The following DNTTIP2 variants were observed in gnomAD, a reference collection of about 807,000 sequenced individuals.
DNTTIP2 encodes the protein deoxynucleotidyltransferase terminal-interacting protein 2.
Under a neutral mutation model 62.4 loss-of-function variants are expected in DNTTIP2, and 47 were observed. The ratio of observed to expected loss-of-function variants is 0.75; its 90% CI spans 0.60 to 0.96. The LOEUF is 0.96. Ranked by LOEUF, DNTTIP2 falls within the 40% of genes least tolerant of loss-of-function variation. DNTTIP2 has a pLI of 0.00. For missense variants in DNTTIP2, 870 were observed against 849.1 expected, an observed-to-expected ratio of 1.02 and a Z score of -0.31; for synonymous variants, 322 against 300.9, an observed-to-expected ratio of 1.07 and a Z score of -0.73.
chr1:93,869,183 T>C lies in DNTTIP2; in HGVS notation c.*668A>G, dbSNP rs1242276765. On this transcript the variant is annotated 3_prime_UTR_variant, in exon 7 of 7. Transcript: ENST00000436063. The stretch of plus-strand genomic sequence containing the variant: ...ACCACTGGAGAAGAGGTAAGCTGGG[T>C]TAACTTCGAAGAAACCCTGGCCAAC... 1.4e-5 allele frequency: 2 copies of C among 139,740 alleles called. No individual in the cohort carries two copies. Among genetic ancestry groups the C allele is most frequent in the Non-Finnish European group, 3.1e-5 (2 of 65,374 alleles). 8.7% of individuals were successfully genotyped at this position (139,740 alleles called of 1,614,324 possible). A position where few individuals can be genotyped will look rare whatever the true frequency, so the allele number is the denominator to read the frequency against.
rs1655753096 is a variant in DNTTIP2 at position 93,867,607 on chromosome 1, G to C, written c.*2244C>G. ...AAAAAAAAAAAAAAAGTTCCAGTAG[G>C]TGAACTGAGTTTAGTGACACAGGCC... On this transcript the variant is annotated 3_prime_UTR_variant, in exon 7 of 7. Coordinates refer to ENST00000436063, the MANE Select transcript of DNTTIP2 (RefSeq NM_014597.5). The C allele has an allele frequency of 6.6e-6, 1 of 151,720 alleles. No individual in the cohort carries two copies. Among genetic ancestry groups the C allele is most frequent in the African/African-American group, 2.4e-5 (1 of 41,268 alleles). The allele number at this position is 151,720 out of a possible 1,614,324, so 9.4% of individuals were successfully genotyped here. A position where few individuals can be genotyped will look rare whatever the true frequency, so the allele number is the denominator to read the frequency against.
rs143693936 is a variant in DNTTIP2, at chr1:93,876,498, T to C, written c.1437A>G (p.Thr479=). The change falls in exon 2 of 7, where the codon ACA becomes ACG. Residue 479 remains threonine, a synonymous_variant. Transcript: ENST00000436063. ...SGQRESLSGD[T]GSLSCDNALF... ...ATGCATTGTCACATGACAGACTTCC[T>C]GTGTCTCCACTTAATGACTCCCTTT... 8 of 1,614,014 alleles carry C rather than the reference T, an allele frequency of 5.0e-6. No individual in the cohort carries two copies. In the East Asian group the frequency reaches 1.8e-4, roughly 36 times the overall value.
At position 93,879,150 on chromosome 1, in the gene DNTTIP2, T is replaced by C; in HGVS notation, c.-2A>G. On this transcript the variant is annotated 5_prime_UTR_variant, in exon 1 of 7. Transcript: ENST00000436063. ...CCGTGCAGATCTGGTAACCACCATC[T>C]TTCCGGCTCCCTCGCGACCACCACG... The C allele has an allele frequency of 6.2e-6, 10 of 1,612,692 alleles. No individual in the cohort carries two copies. Among genetic ancestry groups the C allele is most frequent in the Non-Finnish European group, 8.5e-6 (10 of 1,179,594 alleles).
At chr1:93,871,857 C>T (rs545957042) in intron 5 of DNTTIP2, among the ~76,000 whole-genome samples, 1 of 152,252 alleles carries the variant, frequency 6.6e-6, no homozygotes, top group Non-Finnish European at 1.5e-5. Context: ...ACCTGGAAAC[C>T]ATTTGTAACA....
Position 93,877,753 on chromosome 1 carries a change from G to T in DNTTIP2, c.182C>A (p.Thr61Asn). 6.2e-7 allele frequency: 1 copy of T among 1,613,436 alleles called. No individual in the cohort carries two copies. The highest frequency in any genetic ancestry group is 8.5e-7 in the Non-Finnish European group (1 of 1,179,892). Reference protein sequence around the residue: ...TTGKQSLIPRTPKARKRKSRT... With the variant: ...TTGKQSLIPRNPKARKRKSRT... ...GCTCTTCCTCTTTCTAGCTTTAGGA[G>T]TTCTAGGGATTAAACTTTGCTTCCC... Residue 61 changes from threonine to asparagine, a missense_variant, in exon 2 of 7, where the codon ACT (threonine) becomes AAT (asparagine). Physicochemically the swap from Thr to Asn is moderately conservative, Grantham distance 65 (BLOSUM62 0). Coordinates refer to ENST00000436063, the MANE Select transcript of DNTTIP2 (RefSeq NM_014597.5).
At chr1:93,871,788 G>A (rs1204209969) in intron 5 of DNTTIP2, among the ~76,000 whole-genome samples, 1 of 152,138 alleles carries the variant, frequency 6.6e-6, no homozygotes, top group Non-Finnish European at 1.5e-5. Flanking sequence ...CTTGCTGTTA[G>A]GCTGATACTA....
At chr1:93,875,281 A>T (rs1655972028) in intron 3 of DNTTIP2, among the ~76,000 whole-genome samples, 1 of 152,136 alleles carries the variant, frequency 6.6e-6, no homozygotes, top group Non-Finnish European at 1.5e-5. Flanking sequence ...GCACATGTGC[A>T]TTTTTTTCCG....
chr1:93,877,417 T>C lies in DNTTIP2; in HGVS notation c.518A>G (p.Asp173Gly), dbSNP rs373807179. The C allele has an allele frequency of 2.8e-5, 45 of 1,613,858 alleles. No individual in the cohort carries two copies. The African/African-American group carries it at 5.7e-4, about 21-fold the overall frequency. The part of the protein sequence containing the change: ...ARRSKAKSLT[D>G]PSQESHTEAI... ...TTCTGTATGAGATTCTTGGCTTGGATCTGTCAGAGATTTAGCCTTACTTCT... is the reference window on the plus strand; with the variant it reads ...TTCTGTATGAGATTCTTGGCTTGGACCTGTCAGAGATTTAGCCTTACTTCT... The change falls in exon 2 of 7, where the codon GAT becomes GGT. Residue 173 changes from aspartate to glycine, a missense_variant. Asp to Gly is a moderately conservative substitution (Grantham distance 94, BLOSUM62 -1). Transcript: ENST00000436063.
chr1:93,867,138 T>C lies in DNTTIP2; in HGVS notation c.*2713A>G. Reference sequence around the variant, plus strand: ...GCCTGGGCGACAGAGCGAGAGTCCGTCTCTCAAAAAAAAAAAAAAAAAAAG... The same window carrying C: ...GCCTGGGCGACAGAGCGAGAGTCCGCCTCTCAAAAAAAAAAAAAAAAAAAG... On this transcript the variant is annotated 3_prime_UTR_variant, in exon 7 of 7. Transcript: ENST00000436063. The C allele has an allele frequency of 1.1e-5, 1 of 92,006 alleles. No homozygotes were observed. The highest frequency in any genetic ancestry group is 2.0e-5 in the Non-Finnish European group (1 of 49,810). 5.7% of individuals were successfully genotyped at this position (92,006 alleles called of 1,614,324 possible). A position where few individuals can be genotyped will look rare whatever the true frequency, so the allele number is the denominator to read the frequency against.
chr1:93,876,896 C>T lies in DNTTIP2; in HGVS notation c.1039G>A (p.Ala347Thr). ...QRHSTPQNKN[A>T]VSVHSNLNSE... The stretch of plus-strand genomic sequence containing the variant: ...TTCAGATTAGAGTGCACTGATACAG[C>T]ATTTTTATTTTGGGGGGTTGAATGT... The change falls in exon 2 of 7, where the codon GCT becomes ACT. Residue 347 changes from alanine to threonine, a missense_variant. Ala to Thr is a moderately conservative substitution (Grantham distance 58). Coordinates refer to ENST00000436063, the MANE Select transcript of DNTTIP2 (RefSeq NM_014597.5). 3.1e-6 allele frequency: 5 copies of T among 1,613,862 alleles called. No individual in the cohort carries two copies. Among genetic ancestry groups the T allele is most frequent in the Non-Finnish European group, 4.2e-6 (5 of 1,179,860 alleles).
chr1:93,868,625 A>C lies in DNTTIP2; in HGVS notation c.*1226T>G, dbSNP rs1655775906. On this transcript the variant is annotated 3_prime_UTR_variant, in exon 7 of 7. Coordinates refer to ENST00000436063, the MANE Select transcript of DNTTIP2 (RefSeq NM_014597.5). The stretch of plus-strand genomic sequence containing the variant: ...ATGCCCATGAATGATAGACTGGATA[A>C]AGAAAATGTGGCACATATACACCAT... 1 of 152,258 alleles carries C rather than the reference A, an allele frequency of 6.6e-6. No individual in the cohort carries two copies. The highest frequency in any genetic ancestry group is 2.1e-4 in the South Asian group (1 of 4,832). 9.4% of individuals were successfully genotyped at this position (152,258 alleles called of 1,614,324 possible).
rs561451296 is a variant in DNTTIP2, at chr1:93,877,950, CA to C, written c.73-89del. The stretch of plus-strand genomic sequence containing the variant: ...AATACTGACCCCAAAAGCTAAAACC[CA>C]GTAAACAAGATTACCTTTAAAACAA... On this transcript the variant is annotated intron_variant, in intron 1 of 6. Transcript: ENST00000436063. 3.0e-4 allele frequency: 439 copies of C among 1,447,354 alleles called. 1 individual carries two copies. In the African/African-American group the frequency reaches 5.5e-3, roughly 18 times the overall value. 89.7% of individuals were successfully genotyped at this position (1,447,354 alleles called of 1,614,324 possible). A position where few individuals can be genotyped will look rare whatever the true frequency, so the allele number is the denominator to read the frequency against.
In DNTTIP2 at chr1:93,867,431, A is replaced by C. The variant is rs1382958462; in HGVS notation, c.*2420T>G. Reference sequence around the variant, plus strand: ...AAAACCCCATCTCTACTAAAAATACAAAAGTTAGCTGGGCATAATGGCATG... The same window carrying C: ...AAAACCCCATCTCTACTAAAAATACCAAAGTTAGCTGGGCATAATGGCATG... On this transcript the variant is annotated 3_prime_UTR_variant, in exon 7 of 7. Transcript: ENST00000436063. 1.3e-5 allele frequency: 2 copies of C among 152,008 alleles called. No homozygotes were observed. The highest frequency in any genetic ancestry group is 6.6e-5 in the Admixed American group (1 of 15,258). The allele number at this position is 152,008 out of a possible 1,614,324, so 9.4% of individuals were successfully genotyped here.
chr1:93,872,357 G>C, intron 4 of DNTTIP2, 121 bp from the exon 5 acceptor site: 1 of 946,994 alleles, frequency 1.1e-6, no homozygotes, highest in South Asian at 1.8e-5. Context: ...TTACTTTATT[G>C]AAAGCACTTA....
At position 93,867,842 on chromosome 1, in the gene DNTTIP2, G is replaced by C. The variant is rs1032574833; in HGVS notation, c.*2009C>G. On this transcript the variant is annotated 3_prime_UTR_variant, in exon 7 of 7. Transcript: ENST00000436063. ...TTTTTTTTTAAAATAAAAGAGAACA[G>C]ACATAGATGCTTCCCTAACTCCAAC... 1 of 151,338 alleles carries C rather than the reference G, an allele frequency of 6.6e-6. No homozygotes were observed. The highest frequency in any genetic ancestry group is 6.6e-5 in the Admixed American group (1 of 15,208). The allele number at this position is 151,338 out of a possible 1,614,324, so 9.4% of individuals were successfully genotyped here. A position where few individuals can be genotyped will look rare whatever the true frequency, so the allele number is the denominator to read the frequency against.
chr1:93,877,282 TC>T lies in DNTTIP2; in HGVS notation c.652del (p.Asp218IlefsTer17). ...RKLKAQTEKK[D>X]SKIVPGNEKQ... ...CTCATTTCCTGGTACAATCTTACTATCTTTCTTTTCAGTTTGTGCCTTTAAT... is the reference window on the plus strand; with the variant it reads ...CTCATTTCCTGGTACAATCTTACTATTTTCTTTTCAGTTTGTGCCTTTAAT... On this transcript the variant is annotated frameshift_variant, in exon 2 of 7. Coordinates refer to ENST00000436063, the MANE Select transcript of DNTTIP2 (RefSeq NM_014597.5). LOFTEE classifies it high-confidence loss of function. 1 of 1,613,664 alleles carries T rather than the reference TC, an allele frequency of 6.2e-7. No individual in the cohort carries two copies. The highest frequency in any genetic ancestry group is 8.5e-7 in the Non-Finnish European group (1 of 1,179,736).
intron 2 of DNTTIP2, 132 bp from the exon 3 acceptor site, chr1:93,875,915 T>G: frequency 1.1e-6 from 1 of 904,130 alleles, no homozygotes; most frequent in South Asian, 1.8e-5. Flanking sequence ...AAGCATCTTA[T>G]TTTTATGAGG....
chr1:93,874,928 C>T (rs1030696863), intron 3 of DNTTIP2, among the ~76,000 whole-genome samples: 18 of 152,170 alleles, frequency 1.2e-4, no homozygotes, highest in East Asian at 5.8e-4. Flanking sequence ...TGGTGACAGT[C>T]GCTTGAAAAG....
At position 93,876,922 on chromosome 1, in the gene DNTTIP2, C is replaced by T. The variant is rs532837193; in HGVS notation, c.1013G>A (p.Arg338Lys). 2 of 1,613,734 alleles carry T rather than the reference C, an allele frequency of 1.2e-6. No homozygotes were observed. The highest frequency in any genetic ancestry group is 2.2e-5 in the East Asian group (1 of 44,872). ...DTSLQQLVSQ[R>K]HSTPQNKNAV... ...ATTTTTATTTTGGGGGGTTGAATGT[C>T]TCTGAGAAACTAACTGTTGAAGGCT... The change falls in exon 2 of 7, where the codon AGA becomes AAA. Residue 338 changes from arginine to lysine, a missense_variant. Arg to Lys is a conservative substitution (Grantham distance 26). Coordinates refer to ENST00000436063, the MANE Select transcript of DNTTIP2 (RefSeq NM_014597.5).
Sources: allele counts gnomAD v4.1 joint callset (sites outside exome capture counted in the v4.1 genomes callset), GRCh38; gene constraint gnomAD v4.1.1; transcripts MANE v1.5; gene names NCBI Gene and HGNC (gene_info 2026-07-23, HGNC 2026-07-21).